The following PAX4 variants were observed in gnomAD, a reference collection of about 807,000 sequenced individuals.
PAX4 encodes the protein paired box 4.
In PAX4, 33 loss-of-function variants were observed where a neutral mutation model predicts 40.6. That is an observed-to-expected ratio of 0.81 (90% CI 0.62 to 1.09). The LOEUF (loss-of-function observed/expected upper bound fraction) is 1.09, where lower values mean the gene tolerates loss of function less well. PAX4 is among the 50% of genes least tolerant of loss of function. PAX4 has a pLI of 0.00. For synonymous variants in PAX4, 174 were observed against 170.6 expected (o/e 1.02, Z -0.16); for missense variants, 459 against 442.5 (o/e 1.04, Z -0.33).
At chr7:127,614,386 G>T in intron 6 of PAX4, 96 bp downstream of exon 6, 1 of 950,234 alleles carries the variant, frequency 1.1e-6, no homozygotes, top group Non-Finnish European at 1.7e-6. Context: ...GGGTTGTTGT[G>T]AGGGTGATCC....
chr7:127,615,589 G>A, intron 3 of PAX4, 58 bp from the exon 4 acceptor site: 1 of 1,611,126 alleles, frequency 6.2e-7, no homozygotes, highest in Non-Finnish European at 8.5e-7. Flanking sequence ...GCCCGCCTGT[G>A]GAGAGGGTCA....
chr7:127,611,042 C>T lies in PAX4; in HGVS notation c.*22G>A. On this transcript the variant is annotated 3_prime_UTR_variant, in exon 12 of 12. Coordinates refer to ENST00000639438, the MANE Select transcript of PAX4 (RefSeq NM_001366110.1). Reference sequence around the variant, plus strand: ...AGGATGGTATTAGATCTTCTCTATGCCATCTCCTTCCCACTCCTGCCTCAT... The same window carrying T: ...AGGATGGTATTAGATCTTCTCTATGTCATCTCCTTCCCACTCCTGCCTCAT... 6.3e-7 allele frequency: 1 copy of T among 1,590,204 alleles called. No individual in the cohort carries two copies. The highest frequency in any genetic ancestry group is 8.6e-7 in the Non-Finnish European group (1 of 1,166,290).
intron 9 of PAX4, among the ~76,000 whole-genome samples, chr7:127,612,658 G>A (rs1220002168): frequency 6.6e-6 from 1 of 151,196 alleles, no homozygotes; most frequent in Non-Finnish European, 1.5e-5. Flanking sequence ...TGGGTGGATG[G>A]GTGGGTGTGG....
Position 127,615,062 on chromosome 7 carries a change from G to C in PAX4, c.178C>G (p.Arg60Gly). Residue 60 changes from arginine to glycine, a missense_variant, in exon 5 of 12, where the codon CGT becomes GGT. Physicochemically the swap from Arg to Gly is moderately radical, Grantham distance 125. Coordinates refer to ENST00000639438, the MANE Select transcript of PAX4 (RefSeq NM_001366110.1). ...TCCAAGACACCTGTGCGGTAGTAAC[G>C]CCCTAGGATCTTGCTCACACAGCCA... ...SNGCVSKILG[R>G]YYRTGVLEPK... 6.2e-7 allele frequency: 1 copy of C among 1,614,168 alleles called. No individual in the cohort carries two copies. The highest frequency in any genetic ancestry group is 8.5e-7 in the Non-Finnish European group (1 of 1,180,018).
At chr7:127,614,690 C>T in intron 5 of PAX4, 133 bp from the exon 6 acceptor site, 1 of 1,110,718 alleles carries the variant, frequency 9.0e-7, no homozygotes. Context: ...CCTCCTCTCT[C>T]TCTCTCTATG....
chr7:127,615,864 T>A (rs1222081414), intron 3 of PAX4, 52 bp downstream of exon 3: 1 of 1,535,518 alleles, frequency 6.5e-7, no homozygotes, highest in Admixed American at 2.0e-5. Flanking sequence ...CCTGAGGTCT[T>A]CCCCTGTCTC....
chr7:127,615,826 C>G, intron 3 of PAX4, 90 bp downstream of exon 3: 2 of 1,532,644 alleles, frequency 1.3e-6, no homozygotes, highest in Non-Finnish European at 1.7e-6. Context: ...TGGCCAATAG[C>G]AGATGAAACA....
At position 127,610,839 on chromosome 7, in the gene PAX4, A is replaced by G; in HGVS notation, c.*225T>C. 1 of 1,523,882 alleles carries G rather than the reference A, an allele frequency of 6.6e-7. No individual in the cohort carries two copies. Among genetic ancestry groups the G allele is most frequent in the East Asian group, 2.4e-5 (1 of 40,894 alleles). The allele number at this position is 1,523,882 out of a possible 1,614,324, so 94.4% of individuals were successfully genotyped here. On this transcript the variant is annotated 3_prime_UTR_variant, in exon 12 of 12. Transcript: ENST00000639438. ...AACAGCTTTTATTACTGCTGAGTGG[A>G]GGCCTCTTAAGGCTAGTGTGAGAAG...
At chr7:127,616,133 G>A (rs1223200585) in intron 2 of PAX4, 106 bp from the exon 3 acceptor site, 5 of 587,040 alleles carry the variant, frequency 8.5e-6, no homozygotes, top group African/African-American at 3.7e-5. Context: ...CCAGTGGGTT[G>A]GCTAAAATCA....
intron 3 of PAX4, 47 bp downstream of exon 3, chr7:127,615,869 T>G: frequency 1.3e-6 from 2 of 1,535,752 alleles, no homozygotes; most frequent in Non-Finnish European, 1.7e-6. Context: ...GGTCTTCCCC[T>G]GTCTCTGTTG....
Position 127,612,934 on chromosome 7 carries a change from A to AGGAT in PAX4, c.715+84_715+87dup, listed in dbSNP as rs376039555. The AGGAT allele has an allele frequency of 0.05, 45,799 of 919,846 alleles. 1,316 individuals are homozygous for AGGAT. The highest frequency in any genetic ancestry group is 0.11 in the African/African-American group (6,169 of 58,632). The allele number at this position is 919,846 out of a possible 1,614,324, so 57.0% of individuals were successfully genotyped here. A position where few individuals can be genotyped will look rare whatever the true frequency, so the allele number is the denominator to read the frequency against. ...GATGGATAAATGGATGGACGAATGG[A>AGGAT]GGATGGATGGATGGATGGATGGATG... On this transcript the variant is annotated intron_variant, in intron 9 of 11. Coordinates refer to ENST00000639438, the MANE Select transcript of PAX4 (RefSeq NM_001366110.1).
intron 2 of PAX4, 58 bp downstream of exon 2, chr7:127,617,217 G>C (rs1248594142): frequency 2.6e-5 from 4 of 152,208 alleles, no homozygotes; most frequent in African/African-American, 9.7e-5. Context: ...GAATTACAAA[G>C]AGTTTGGAAT....
In PAX4 at chr7:127,615,093, T is replaced by A; in HGVS notation, c.147A>T (p.Val49=). 1 of 1,614,154 alleles carries A rather than the reference T, an allele frequency of 6.2e-7. No individual in the cohort carries two copies. The highest frequency in any genetic ancestry group is 2.2e-5 in the East Asian group (1 of 44,872). Residue 49 remains valine (V), a splice_region_variant and synonymous_variant, in exon 5 of 12, where the codon GTA becomes GTT. Transcript: ENST00000639438. ...RPCDISRILK[V]SNGCVSKILG... The stretch of plus-strand genomic sequence containing the variant: ...GGATCTTGCTCACACAGCCATTAGA[T>A]ACCTGAGTCAGGTGAGAAGCAGGGA...
chr7:127,615,755 G>T, intron 3 of PAX4, 161 bp downstream of exon 3: 1 of 1,500,832 alleles, frequency 6.7e-7, no homozygotes, highest in Non-Finnish European at 8.9e-7. Flanking sequence ...CAACTCTCCT[G>T]ATCTAAGGGA....
In PAX4 at chr7:127,613,936, G is replaced by A. The variant is rs370930078; in HGVS notation, c.437-55C>T. ...TTTGTGATGGTGATTCCTCTGGTCA[G>A]ATGGGGTCCCTGAGTCTCTGGGGCT... On this transcript the variant is annotated intron_variant, in intron 6 of 11. Coordinates refer to ENST00000639438, the MANE Select transcript of PAX4 (RefSeq NM_001366110.1). 1.3e-5 allele frequency: 21 copies of A among 1,606,896 alleles called. No homozygotes were observed. The East Asian group carries it at 1.6e-4, about 12-fold the overall frequency.
rs548245172 is a variant in PAX4 at position 127,610,390 on chromosome 7, A to G, written c.*674T>C. Reference sequence around the variant, plus strand: ...GCAAATACAAAATACATATGACAAAATACATATGACAAAAATACATAATTT... The same window carrying G: ...GCAAATACAAAATACATATGACAAAGTACATATGACAAAAATACATAATTT... On this transcript the variant is annotated 3_prime_UTR_variant, in exon 12 of 12. Transcript: ENST00000639438. The G allele has an allele frequency of 6.3e-6, 1 of 158,380 alleles. No individual in the cohort carries two copies. The highest frequency in any genetic ancestry group is 1.4e-5 in the Non-Finnish European group (1 of 72,430). 9.8% of individuals were successfully genotyped at this position (158,380 alleles called of 1,614,324 possible).
intron 2 of PAX4, among the ~76,000 whole-genome samples, chr7:127,616,495 C>T (rs1266360740): frequency 6.6e-6 from 1 of 152,168 alleles, no homozygotes; most frequent in East Asian, 1.9e-4. Flanking sequence ...CACCCAAATG[C>T]TGCACTTCAG....
rs1484351963 is a variant in PAX4 at position 127,613,025 on chromosome 7, G to A, written c.712C>T (p.Pro238Ser). ...QEKLKWEMQL[P>S]GASQGLTVPR... Reference sequence around the variant, plus strand: ...GATGATGGTGCAGAGAAATCACCTGGCAGCTGCATTTCCCACTTGAGCTTC... The same window carrying A: ...GATGATGGTGCAGAGAAATCACCTGACAGCTGCATTTCCCACTTGAGCTTC... The change falls in exon 9 of 12, where the codon CCA (proline) becomes TCA (serine). Residue 238 changes from proline to serine, a missense_variant. Coordinates refer to ENST00000639438, the MANE Select transcript of PAX4 (RefSeq NM_001366110.1). 6.2e-7 allele frequency: 1 copy of A among 1,612,110 alleles called. No homozygotes were observed. Among genetic ancestry groups the A allele is most frequent in the African/African-American group, 1.3e-5 (1 of 74,852 alleles).
At chr7:127,615,702 G>C (rs1178005727) in intron 3 of PAX4, 171 bp from the exon 4 acceptor site, 1 of 1,516,194 alleles carries the variant, frequency 6.6e-7, no homozygotes, top group Non-Finnish European at 8.8e-7. Context: ...CTTTCTTTGA[G>C]AGCTGGCTCA....
Sources: allele counts gnomAD v4.1 joint callset (sites outside exome capture counted in the v4.1 genomes callset), GRCh38; gene constraint gnomAD v4.1.1; transcripts MANE v1.5; gene names NCBI Gene and HGNC (gene_info 2026-07-23, HGNC 2026-07-21).